FOXP2: variants seen among roughly 807,000 people sequenced by gnomAD.
The protein encoded by FOXP2 is forkhead box P2.
A neutral mutation model predicts 115.8 loss-of-function variants in FOXP2; 12 were observed. The ratio of observed to expected loss-of-function variants is 0.10; its 90% CI spans 0.07 to 0.17. The LOEUF is 0.17. Among genes scored for constraint, FOXP2 ranks in the 10% least tolerant of loss-of-function variants. The pLI, the probability that FOXP2 is intolerant of heterozygous loss-of-function variation, is 1.00. For missense variants in FOXP2, 629 were observed against 843.5 expected, an observed-to-expected ratio of 0.75 and a Z score of 3.15; for synonymous variants, 328 against 297.7, an observed-to-expected ratio of 1.10 and a Z score of -1.05.
chr7:114,194,018 G>A (rs950840027), intron 1 of FOXP2, among the ~76,000 whole-genome samples: 9 of 96,510 alleles, frequency 9.3e-5, no homozygotes, highest in Non-Finnish European at 2.3e-4. Context: ...ACTAAGCCTT[G>A]CTGTAACCCT....
intron 1 of FOXP2, among the ~76,000 whole-genome samples, chr7:114,239,568 T>C (rs1207192931): frequency 1.3e-5 from 2 of 152,198 alleles, no homozygotes; most frequent in Non-Finnish European, 2.9e-5. Flanking sequence ...TGGAAGACAG[T>C]TGGTTTTAGC....
At chr7:114,535,551 T>A (rs1311493518) in intron 3 of FOXP2, among the ~76,000 whole-genome samples, 1 of 151,592 alleles carries the variant, frequency 6.6e-6, no homozygotes, top group African/African-American at 2.4e-5. Flanking sequence ...CAAAACAATT[T>A]TTTATGGCCC....
At chr7:114,622,693 A>G (rs961420120) in intron 3 of FOXP2, among the ~76,000 whole-genome samples, 5 of 151,992 alleles carry the variant, frequency 3.3e-5, no homozygotes, top group African/African-American at 1.2e-4. Context: ...GTCTTTTATC[A>G]GGACAGCTTG....
chr7:114,619,070 G>A (rs951774972), intron 3 of FOXP2, among the ~76,000 whole-genome samples: 5 of 152,084 alleles, frequency 3.3e-5, no homozygotes, highest in Admixed American at 3.3e-4. Context: ...AGCAAGACTC[G>A]ATATTCAACT....
At chr7:114,151,339 G>A (rs1363398279) in intron 1 of FOXP2, among the ~76,000 whole-genome samples, 2 of 152,006 alleles carry the variant, frequency 1.3e-5, no homozygotes, top group Non-Finnish European at 2.9e-5. Context: ...TTTAGCATAA[G>A]TAGTTATATT....
At chr7:114,341,911 A>T (rs888132928) in intron 2 of FOXP2, among the ~76,000 whole-genome samples, 1 of 151,328 alleles carries the variant, frequency 6.6e-6, no homozygotes, top group Non-Finnish European at 1.5e-5. Flanking sequence ...GCCAAAGTCT[A>T]CTTGATTCTT....
intron 1 of FOXP2, among the ~76,000 whole-genome samples, chr7:114,115,009 T>G (rs1443883212): frequency 6.6e-6 from 1 of 152,276 alleles, no homozygotes; most frequent in African/African-American, 2.4e-5. Flanking sequence ...TGTTGCATTT[T>G]TTTTTTGTTT....
At chr7:114,379,935 A>T (rs1371641768) in intron 2 of FOXP2, among the ~76,000 whole-genome samples, 1 of 152,046 alleles carries the variant, frequency 6.6e-6, no homozygotes, top group Non-Finnish European at 1.5e-5. Flanking sequence ...TAGCCATCTG[A>T]AGGGGAGGGA....
Position 114,692,830 on chromosome 7 carries a change from A to C in FOXP2, c.*2904A>C. 2.2e-6 allele frequency: 1 copy of C among 449,870 alleles called. No individual in the cohort carries two copies. Among genetic ancestry groups the C allele is most frequent in the Non-Finnish European group, 4.5e-6 (1 of 224,606 alleles). The allele number at this position is 449,870 out of a possible 1,614,324, so 27.9% of individuals were successfully genotyped here. A position where few individuals can be genotyped will look rare whatever the true frequency, so the allele number is the denominator to read the frequency against. On this transcript the variant is annotated 3_prime_UTR_variant, in exon 17 of 17. Transcript: ENST00000350908. Reference sequence around the variant, plus strand: ...TTGGTGGAATATACCTGTTTTATTTATCTTTTTTGAGGTAAACTAATTTTT... The same window carrying C: ...TTGGTGGAATATACCTGTTTTATTTCTCTTTTTTGAGGTAAACTAATTTTT...
At chr7:114,644,522 G>A (rs766204783) in intron 7 of FOXP2, among the ~76,000 whole-genome samples, 163 bp from the exon 8 acceptor site, 2 of 152,036 alleles carry the variant, frequency 1.3e-5, no homozygotes, top group Non-Finnish European at 2.9e-5. Flanking sequence ...TCTAGCCTTG[G>A]CAGTTGAACT....
At chr7:114,611,737 A>G (rs1175349678) in intron 3 of FOXP2, among the ~76,000 whole-genome samples, 2 of 152,324 alleles carry the variant, frequency 1.3e-5, no homozygotes, top group African/African-American at 2.4e-5. Flanking sequence ...GAAAACATAT[A>G]TACTGACAGC....
At chr7:114,477,753 A>G (rs906059997) in intron 2 of FOXP2, among the ~76,000 whole-genome samples, 2 of 151,960 alleles carry the variant, frequency 1.3e-5, no homozygotes, top group Admixed American at 6.6e-5. Context: ...TGTAGCTCAT[A>G]AGTAGATTTG....
At chr7:114,138,117 C>T (rs1204188352) in intron 1 of FOXP2, among the ~76,000 whole-genome samples, 1 of 152,082 alleles carries the variant, frequency 6.6e-6, no homozygotes, top group African/African-American at 2.4e-5. Flanking sequence ...ATAGAATAGA[C>T]AAATTTCCTA....
intron 3 of FOXP2, among the ~76,000 whole-genome samples, chr7:114,576,728 C>G (rs1211201832): frequency 1.3e-5 from 2 of 151,848 alleles, no homozygotes; most frequent in Non-Finnish European, 1.5e-5. Flanking sequence ...GTGATAGTCT[C>G]TACAAATATG....
intron 1 of FOXP2, among the ~76,000 whole-genome samples, chr7:114,096,071 G>A (rs946235905): frequency 3.9e-5 from 6 of 152,036 alleles, no homozygotes; most frequent in Admixed American, 1.3e-4. Flanking sequence ...TGCTTTCCCA[G>A]TCCCCATCAC....
intron 2 of FOXP2, among the ~76,000 whole-genome samples, chr7:114,382,658 GA>G (rs1562896234): frequency 6.6e-6 from 1 of 151,742 alleles, no homozygotes; most frequent in Non-Finnish European, 1.5e-5. Flanking sequence ...ATAAAAAACC[GA>G]AGTTGCCAAG....
At chr7:114,525,887 A>G (rs1045882210) in intron 2 of FOXP2, among the ~76,000 whole-genome samples, 1 of 151,848 alleles carries the variant, frequency 6.6e-6, no homozygotes, top group East Asian at 1.9e-4. Context: ...TGAGATGGGC[A>G]GATCACTTGA....
At chr7:114,246,004 A>G (rs1469672466) in intron 1 of FOXP2, among the ~76,000 whole-genome samples, 1 of 152,168 alleles carries the variant, frequency 6.6e-6, no homozygotes, top group Non-Finnish European at 1.5e-5. Flanking sequence ...AAGGTGATAT[A>G]AAGATGATTT....
intron 2 of FOXP2, among the ~76,000 whole-genome samples, chr7:114,345,605 A>G (rs997735552): frequency 2.0e-5 from 3 of 151,706 alleles, no homozygotes; most frequent in Admixed American, 1.3e-4. Context: ...GTTGAAATCT[A>G]TACTTTATAT....
Sources: allele counts gnomAD v4.1 joint callset (sites outside exome capture counted in the v4.1 genomes callset), GRCh38; gene constraint gnomAD v4.1.1; transcripts MANE v1.5; gene names NCBI Gene and HGNC (gene_info 2026-07-23, HGNC 2026-07-21).